Variants in CADM2 observed in about 807,000 individuals in gnomAD.
The protein encoded by CADM2 is cell adhesion molecule 2, also known as immunoglobulin superfamily member 4D.
Under a neutral mutation model 49.8 loss-of-function variants are expected in CADM2, and 12 were observed. That is an observed-to-expected ratio of 0.24 (90% confidence interval 0.15 to 0.39). CADM2 has a LOEUF of 0.39. Ranked by LOEUF, CADM2 falls within the 10% of genes least tolerant of loss-of-function variation. The pLI, the probability that CADM2 is intolerant of heterozygous loss-of-function variation, is 1.00. For synonymous variants in CADM2, 214 were observed against 175.4 expected (o/e 1.22, Z -1.74); for missense variants, 378 against 492.3 (o/e 0.77, Z 2.20).
At chr3:85,116,613 A>G (rs1382684244) in intron 1 of CADM2, among the ~76,000 whole-genome samples, 1 of 152,158 alleles carries the variant, frequency 6.6e-6, no homozygotes, top group Non-Finnish European at 1.5e-5. Flanking sequence ...CTTCTCAATG[A>G]AATTAAAGCA....
At chr3:85,030,006 A>T (rs1208978389) in intron 1 of CADM2, among the ~76,000 whole-genome samples, 1 of 152,194 alleles carries the variant, frequency 6.6e-6, no homozygotes, top group Non-Finnish European at 1.5e-5. Context: ...CAGATGTCAA[A>T]TTCTTAACTC....
chr3:85,564,199 C>CTCTCTCTCTCTCT (rs1215002052), intron 1 of CADM2, among the ~76,000 whole-genome samples: 3 of 142,392 alleles, frequency 2.1e-5, no homozygotes, highest in South Asian at 2.2e-4. Context: ...CTCTCTCTCT[C>CTCTCTCTCTCTCT]CATTTTAAAA....
intron 1 of CADM2, among the ~76,000 whole-genome samples, chr3:85,119,598 G>T (rs942035630): frequency 6.6e-6 from 1 of 151,954 alleles, no homozygotes; most frequent in Non-Finnish European, 1.5e-5. Context: ...GGCAGTATGG[G>T]CATTTTCATG....
intron 1 of CADM2, among the ~76,000 whole-genome samples, chr3:85,387,622 T>G (rs546591010): frequency 7.2e-5 from 11 of 152,222 alleles, no homozygotes; most frequent in Non-Finnish European, 1.6e-4. Context: ...ACTGGTTCTA[T>G]ATTTTAATGC....
chr3:85,633,181 G>T (rs1031922221), intron 1 of CADM2, among the ~76,000 whole-genome samples: 1 of 152,044 alleles, frequency 6.6e-6, no homozygotes, highest in Admixed American at 6.6e-5. Flanking sequence ...TTATTACTGA[G>T]TAATATTTGT....
At chr3:85,680,109 G>T (rs2065997489) in intron 1 of CADM2, among the ~76,000 whole-genome samples, 1 of 151,796 alleles carries the variant, frequency 6.6e-6, no homozygotes, top group African/African-American at 2.4e-5. Flanking sequence ...TTTTTAAAAG[G>T]CCATTTTAAA....
rs563198976 is a variant in CADM2, at chr3:85,493,026, C to G, written c.62-233496C>G. ...AGGAAAGAGACCATTACATATGGCC[C>G]TAGGATACCTAGACAAAACAGTTCC... On this transcript the variant is annotated intron_variant, in intron 1 of 9. Transcript: ENST00000383699. Among the ~76,000 whole-genome samples the G allele has an allele frequency of 2.0e-5, 3 of 152,168 alleles. No homozygotes were observed. In the South Asian group the frequency reaches 6.2e-4, roughly 32 times the overall value.
chr3:85,376,147 T>C (rs2033582493), intron 1 of CADM2, among the ~76,000 whole-genome samples: 1 of 152,038 alleles, frequency 6.6e-6, no homozygotes, highest in African/African-American at 2.4e-5. Context: ...AGTAAATTGT[T>C]TTGTGTTTTA....
rs142172025 is a variant in CADM2 at position 86,003,461 on chromosome 3, T to C, written c.970+41814T>C. ...AGGGTAAAATCTGACTATTCAAAGT[T>C]CTTGACACGTCTATAAATAAAAATT... On this transcript the variant is annotated intron_variant, in intron 8 of 9. Coordinates refer to ENST00000383699, the MANE Select transcript of CADM2 (RefSeq NM_001167675.2). 6.0e-4 allele frequency among the ~76,000 whole-genome samples: 92 copies of C among 152,368 alleles called. 3 individuals are homozygous for C. The East Asian group carries it at 0.017, about 29-fold the overall frequency.
intron 3 of CADM2, among the ~76,000 whole-genome samples, chr3:85,850,965 T>TA (rs1298425064): frequency 6.6e-6 from 1 of 152,034 alleles, no homozygotes; most frequent in African/African-American, 2.4e-5. Flanking sequence ...CATTCAAAAT[T>TA]ATTTTGGGAG....
intron 1 of CADM2, among the ~76,000 whole-genome samples, chr3:85,382,658 T>C (rs573452965): frequency 6.6e-6 from 1 of 152,166 alleles, no homozygotes; most frequent in Non-Finnish European, 1.5e-5. Flanking sequence ...CTCAAATCTA[T>C]GCAGATCACT....
intron 3 of CADM2, among the ~76,000 whole-genome samples, chr3:85,812,907 C>A (rs1179558357): frequency 6.6e-6 from 1 of 152,128 alleles, no homozygotes; most frequent in East Asian, 1.9e-4. Flanking sequence ...TCATAGTATT[C>A]CATGGTGTAT....
intron 1 of CADM2, among the ~76,000 whole-genome samples, chr3:85,056,463 A>G (rs1373714075): frequency 6.6e-6 from 1 of 152,070 alleles, no homozygotes; most frequent in African/African-American, 2.4e-5. Context: ...GAAAATTTTT[A>G]TTCAGGTTTA....
At chr3:85,452,361 CA>C in intron 1 of CADM2, among the ~76,000 whole-genome samples, 1 of 152,118 alleles carries the variant, frequency 6.6e-6, no homozygotes, top group Middle Eastern at 3.4e-3. Context: ...ACTAATACAA[CA>C]ATAGCAAAAA....
intron 2 of CADM2, among the ~76,000 whole-genome samples, chr3:85,787,383 A>C (rs938986744): frequency 6.6e-5 from 10 of 152,210 alleles, no homozygotes; most frequent in Middle Eastern, 3.4e-3. Flanking sequence ...TTTCTCAATG[A>C]GGTACTTGAT....
At chr3:85,592,223 G>T (rs1440377293) in intron 1 of CADM2, among the ~76,000 whole-genome samples, 1 of 151,870 alleles carries the variant, frequency 6.6e-6, no homozygotes, top group Non-Finnish European at 1.5e-5. Flanking sequence ...CAAGAAGAGA[G>T]AAAAATTGTA....
chr3:85,671,456 T>A (rs2065732390), intron 1 of CADM2, among the ~76,000 whole-genome samples: 1 of 152,206 alleles, frequency 6.6e-6, no homozygotes, highest in Admixed American at 6.5e-5. Context: ...CACTCTTTCA[T>A]TTCCAGTGCA....
intron 1 of CADM2, among the ~76,000 whole-genome samples, chr3:85,491,023 C>T (rs958821094): frequency 6.6e-6 from 1 of 152,158 alleles, no homozygotes; most frequent in Non-Finnish European, 1.5e-5. Flanking sequence ...GAATTTTTCT[C>T]AGAACACTTA....
intron 2 of CADM2, among the ~76,000 whole-genome samples, chr3:85,753,204 A>T (rs556066795): frequency 1.3e-5 from 2 of 152,194 alleles, no homozygotes; most frequent in South Asian, 2.1e-4. Context: ...TTAAATATAT[A>T]TTTTTTTCAA....
Sources: gnomAD v4.1 joint callset for allele counts (sites outside exome capture counted in the v4.1 genomes callset) on GRCh38, gnomAD v4.1.1 for gene constraint, MANE v1.5 for transcripts, NCBI Gene and HGNC (gene_info 2026-07-23, HGNC 2026-07-21) for gene names.